Variants in STXBP5 observed in about 807,000 individuals in gnomAD.
STXBP5 encodes syntaxin-binding protein 5.
STXBP5 carries 50 observed loss-of-function variants against 152.4 expected under a neutral mutation model. The observed-to-expected ratio is 0.33, with a 90% CI of 0.26 to 0.42. STXBP5 has a LOEUF of 0.42. Ranked by LOEUF, STXBP5 falls within the 10% of genes least tolerant of loss-of-function variation. The probability of loss-of-function intolerance (pLI) is 1.00; values close to 1 mark genes in which losing one functional copy is unlikely to be tolerated. For missense variants in STXBP5, 1,167 were observed against 1,388.6 expected (o/e 0.84, Z 2.54); for synonymous variants, 492 against 494.7 (o/e 0.99, Z 0.07).
chr6:147,349,614 A>G (rs1279090252), intron 21 of STXBP5, among the ~76,000 whole-genome samples: 1 of 152,200 alleles, frequency 6.6e-6, no homozygotes, highest in Non-Finnish European at 1.5e-5. Context: ...TAAGTGTTCC[A>G]GACTGAGATA....
chr6:147,223,587 T>C (rs756014856), intron 2 of STXBP5, among the ~76,000 whole-genome samples: 27 of 152,204 alleles, frequency 1.8e-4, no homozygotes, highest in Non-Finnish European at 3.4e-4. Flanking sequence ...GTCCACAAGG[T>C]TTCCCAGTGT....
intron 2 of STXBP5, among the ~76,000 whole-genome samples, chr6:147,219,184 A>G (rs1219724428): frequency 2.0e-5 from 3 of 152,240 alleles, no homozygotes; most frequent in South Asian, 2.1e-4. Flanking sequence ...ATCAGTTGAT[A>G]TAATCATGTG....
Position 147,316,366 on chromosome 6 carries a change from C to T in STXBP5, c.1761C>T (p.Ser587=), listed in dbSNP as rs1782646382. 4 of 1,588,746 alleles carry T rather than the reference C, an allele frequency of 2.5e-6. No individual in the cohort carries two copies. Among genetic ancestry groups the T allele is most frequent in the Middle Eastern group, 1.7e-4 (1 of 5,940 alleles). ...IPPQSHPSTS[S]SSSDGLRDNV... ...CTCAGTCTCATCCATCTACCAGTAG[C>T]AGTTCATCTGATGGGCTTCGTGATA... is the stretch of plus-strand genomic sequence containing the variant. Residue 587 remains serine (S), a synonymous_variant, in exon 16 of 28, where the codon AGC becomes AGT. Coordinates refer to ENST00000321680, the MANE Select transcript of STXBP5 (RefSeq NM_001127715.4).
chr6:147,344,327 A>G (rs1258596919), intron 21 of STXBP5, among the ~76,000 whole-genome samples: 1 of 152,204 alleles, frequency 6.6e-6, no homozygotes, highest in Non-Finnish European at 1.5e-5. Flanking sequence ...TTCCTAGCAT[A>G]AAGAAAATTA....
intron 9 of STXBP5, among the ~76,000 whole-genome samples, chr6:147,303,645 T>C (rs1056261434): frequency 6.6e-6 from 1 of 152,140 alleles, no homozygotes; most frequent in Non-Finnish European, 1.5e-5. Flanking sequence ...GACAGAAAGA[T>C]GTAGGCGAGT....
chr6:147,242,750 C>A (rs889239198), intron 4 of STXBP5, among the ~76,000 whole-genome samples: 1 of 152,030 alleles, frequency 6.6e-6, no homozygotes, highest in African/African-American at 2.4e-5. Context: ...CATCTAGGTT[C>A]GTGTAAGTAT....
chr6:147,300,269 A>G (rs1024430104), intron 9 of STXBP5, among the ~76,000 whole-genome samples: 2 of 152,118 alleles, frequency 1.3e-5, no homozygotes, highest in Non-Finnish European at 2.9e-5. Flanking sequence ...ATCAAAAACC[A>G]ATGACATTGT....
At position 147,267,297 on chromosome 6, in the gene STXBP5, A is replaced by G. The variant is rs536682185; in HGVS notation, c.714+130A>G. Reference sequence around the variant, plus strand: ...CAGTAATACACAATTTATTTTTTACAATAGATAATATGTTCACACAATTCA... The same window carrying G: ...CAGTAATACACAATTTATTTTTTACGATAGATAATATGTTCACACAATTCA... On this transcript the variant is annotated intron_variant, in intron 7 of 27. Transcript: ENST00000321680. 53 of 655,608 alleles carry G rather than the reference A, an allele frequency of 8.1e-5. No individual in the cohort carries two copies. The East Asian group carries it at 1.4e-3, about 18-fold the overall frequency. 40.6% of individuals were successfully genotyped at this position (655,608 alleles called of 1,614,324 possible).
At position 147,292,274 on chromosome 6, in the gene STXBP5, T is replaced by C. The variant is rs1354986197; in HGVS notation, c.917+1102T>C. ...AGGGTTTGTTGAGATCCAACAGATA[T>C]ATTCCAACAATAGCTATATTCCAAC... On this transcript the variant is annotated intron_variant, in intron 9 of 27. Transcript: ENST00000321680. The C allele has an allele frequency of 1.5e-5, 7 of 451,896 alleles. No individual in the cohort carries two copies. In the East Asian group the frequency reaches 4.3e-4, roughly 27 times the overall value. 28.0% of individuals were successfully genotyped at this position (451,896 alleles called of 1,614,324 possible). A position where few individuals can be genotyped will look rare whatever the true frequency, so the allele number is the denominator to read the frequency against.
chr6:147,207,537 C>T (rs1339323416), intron 2 of STXBP5, among the ~76,000 whole-genome samples: 1 of 152,076 alleles, frequency 6.6e-6, no homozygotes, highest in African/African-American at 2.4e-5. Context: ...TGATCAAGAC[C>T]ATCTAGTTTA....
rs147491100 is a variant in STXBP5 at position 147,272,733 on chromosome 6, C to A, written c.715-5348C>A. ...TATTAAATGACATAACAATTTAGAA[C>A]ATTTCTAATATAATTCAAGTTCTAC... On this transcript the variant is annotated intron_variant, in intron 7 of 27. Transcript: ENST00000321680. 3.3e-5 allele frequency among the ~76,000 whole-genome samples: 5 copies of A among 152,176 alleles called. No homozygotes were observed. The East Asian group carries it at 7.7e-4, about 24-fold the overall frequency.
At chr6:147,302,868 G>T (rs1440413298) in intron 9 of STXBP5, among the ~76,000 whole-genome samples, 1 of 152,114 alleles carries the variant, frequency 6.6e-6, no homozygotes. Context: ...TGTCTTTATT[G>T]ATTTTTATAA....
intron 9 of STXBP5, among the ~76,000 whole-genome samples, chr6:147,296,633 G>A (rs1166278279): frequency 1.3e-5 from 2 of 152,072 alleles, no homozygotes; most frequent in Non-Finnish European, 2.9e-5. Context: ...AGAATCCAAA[G>A]AAGAGGAAAT....
At chr6:147,260,327 G>A (rs1168125983) in intron 4 of STXBP5, among the ~76,000 whole-genome samples, 3 of 152,130 alleles carry the variant, frequency 2.0e-5, no homozygotes. Flanking sequence ...TAAATGTGTG[G>A]TATGCCCAAG....
chr6:147,266,070 G>GC (rs1473155449), intron 6 of STXBP5, among the ~76,000 whole-genome samples: 2 of 151,988 alleles, frequency 1.3e-5, no homozygotes, highest in African/African-American at 2.4e-5. Context: ...AAATGGAGTG[G>GC]CCCAGGTAGC....
chr6:147,204,821 C>T lies in STXBP5; in HGVS notation c.150+139C>T, dbSNP rs1486140033. Reference sequence around the variant, plus strand: ...TAATAACTCTAATAAAAGGCTCGCTCCTCCCTTGGCAAACGTTTCTTCGGT... The same window carrying T: ...TAATAACTCTAATAAAAGGCTCGCTTCTCCCTTGGCAAACGTTTCTTCGGT... On this transcript the variant is annotated intron_variant, in intron 1 of 27. Transcript: ENST00000321680. This position sits in a 1 kb window ranked among gnomAD's most constrained non-coding sequence, Gnocchi z 4.3. 2 of 993,506 alleles carry T rather than the reference C, an allele frequency of 2.0e-6. No homozygotes were observed. The highest frequency in any genetic ancestry group is 3.6e-5 in the Admixed American group (1 of 27,792). 61.5% of individuals were successfully genotyped at this position (993,506 alleles called of 1,614,324 possible). A position where few individuals can be genotyped will look rare whatever the true frequency, so the allele number is the denominator to read the frequency against.
Position 147,372,480 on chromosome 6 carries a change from G to A in STXBP5, c.3082-1251G>A, listed in dbSNP as rs113290274. Among the ~76,000 whole-genome samples the A allele has an allele frequency of 8.6e-3, 948 of 110,634 alleles. 18 individuals carry two copies. Among genetic ancestry groups the A allele is most frequent in the African/African-American group, 0.03 (864 of 28,990 alleles). The allele number at this position is 110,634 out of a possible 152,430, so 72.6% of individuals were successfully genotyped here. A position where few individuals can be genotyped will look rare whatever the true frequency, so the allele number is the denominator to read the frequency against. ...TTTTGAGACAGATTCTTTTGCCCAG[G>A]CTGGAGTGCAGTGGTGCAATCTCTG... On this transcript the variant is annotated intron_variant, in intron 25 of 27. Transcript: ENST00000321680.
At chr6:147,355,965 C>CT (rs1339453266) in intron 22 of STXBP5, among the ~76,000 whole-genome samples, 9 of 152,034 alleles carry the variant, frequency 5.9e-5, no homozygotes, top group Admixed American at 2.0e-4. Context: ...AAAATTCTGA[C>CT]TTTTTTTCAA....
intron 4 of STXBP5, among the ~76,000 whole-genome samples, chr6:147,245,712 T>C (rs1778776615): frequency 6.6e-6 from 1 of 152,150 alleles, no homozygotes; most frequent in Non-Finnish European, 1.5e-5. Context: ...ATTATTAAGG[T>C]GGAGACTAAT....
Sources: gnomAD v4.1 joint callset for allele counts (sites outside exome capture counted in the v4.1 genomes callset) on GRCh38, gnomAD v4.1.1 for gene constraint, Gnocchi (gnomAD v3.1) non-coding constraint, MANE v1.5 for transcripts, NCBI Gene and HGNC (gene_info 2026-07-23, HGNC 2026-07-21) for gene names.